PPP3R1: variants seen among roughly 807,000 people sequenced by gnomAD.
PPP3R1 encodes protein phosphatase 3 regulatory subunit B, alpha.
Under a neutral mutation model 22.6 loss-of-function variants are expected in PPP3R1, and 5 were observed. The ratio of observed to expected loss-of-function variants is 0.22; its 90% CI spans 0.12 to 0.46. The LOEUF (loss-of-function observed/expected upper bound fraction) is 0.46. PPP3R1 is among the 20% of genes least tolerant of loss of function. The pLI is 0.99. For missense variants in PPP3R1, 61 were observed against 203.2 expected (o/e 0.30, Z 4.25); for synonymous variants, 56 against 65.2 (o/e 0.86, Z 0.68).
chr2:68,251,904 G>A (rs935274853), intron 1 of PPP3R1, among the ~76,000 whole-genome samples: 12 of 146,068 alleles, frequency 8.2e-5, no homozygotes, highest in African/African-American at 3.0e-4. Flanking sequence ...GCGCCCCGCA[G>A]AGGCCGGGGG....
chr2:68,213,972 TG>T (rs888903308), intron 2 of PPP3R1, among the ~76,000 whole-genome samples: 2 of 152,040 alleles, frequency 1.3e-5, no homozygotes, highest in Non-Finnish European at 2.9e-5. Flanking sequence ...TACAGACCAA[TG>T]GAACAGAATA....
chr2:68,242,401 G>A (rs1252394680), intron 1 of PPP3R1, among the ~76,000 whole-genome samples: 1 of 151,340 alleles, frequency 6.6e-6, no homozygotes, highest in Non-Finnish European at 1.5e-5. Flanking sequence ...ACTCTAGCCT[G>A]GACAACAGAG....
At chr2:68,216,492 A>T (rs191129727) in intron 2 of PPP3R1, among the ~76,000 whole-genome samples, 1 of 152,014 alleles carries the variant, frequency 6.6e-6, no homozygotes, top group African/African-American at 2.4e-5. Context: ...AAAAAAAAGG[A>T]CTTAATGAAT....
At chr2:68,188,749 A>G (rs1470608005) in intron 2 of PPP3R1, 59 bp from the exon 3 acceptor site, 1 of 1,441,740 alleles carries the variant, frequency 6.9e-7, no homozygotes. Flanking sequence ...AATCCTTTCT[A>G]ATGGGCAGTA....
intron 1 of PPP3R1, among the ~76,000 whole-genome samples, chr2:68,245,256 G>A (rs1670212935): frequency 1.3e-5 from 2 of 152,108 alleles, no homozygotes; most frequent in Admixed American, 1.3e-4. Flanking sequence ...CAGCTACTTG[G>A]GAGGCTGAGG....
At chr2:68,181,827 C>T (rs1674410506) in intron 5 of PPP3R1, among the ~76,000 whole-genome samples, 1 of 152,104 alleles carries the variant, frequency 6.6e-6, no homozygotes, top group Non-Finnish European at 1.5e-5. Context: ...AGTGAATAAA[C>T]ATGTCTGTAT....
intron 1 of PPP3R1, among the ~76,000 whole-genome samples, chr2:68,243,245 A>C (rs1670167359): frequency 6.6e-6 from 1 of 152,324 alleles, no homozygotes; most frequent in Non-Finnish European, 1.5e-5. Flanking sequence ...TCATAGTACA[A>C]GACTATAAAA....
At chr2:68,235,282 C>T (rs574932719) in intron 1 of PPP3R1, among the ~76,000 whole-genome samples, 1 of 152,198 alleles carries the variant, frequency 6.6e-6, no homozygotes, top group South Asian at 2.1e-4. Flanking sequence ...TTAGTACATT[C>T]AAACCATTGT....
intron 1 of PPP3R1, among the ~76,000 whole-genome samples, chr2:68,232,660 G>C (rs1448060572): frequency 2.6e-5 from 4 of 152,020 alleles, no homozygotes; most frequent in Non-Finnish European, 4.4e-5. Flanking sequence ...AGGCTGGAGT[G>C]CAGTGGCACG....
At chr2:68,197,975 A>G (rs1295715335) in intron 2 of PPP3R1, among the ~76,000 whole-genome samples, 2 of 149,230 alleles carry the variant, frequency 1.3e-5, no homozygotes, top group Non-Finnish European at 3.0e-5. Context: ...TAAATATATG[A>G]TACATATAGA....
intron 1 of PPP3R1, among the ~76,000 whole-genome samples, chr2:68,232,222 T>TA (rs367672494): frequency 0.36 from 27,951 of 77,638 alleles, 3,650 homozygotes; most frequent in African/African-American, 0.51. Flanking sequence ...TATATGTATA[T>TA]ATGTGTGTGT....
intron 1 of PPP3R1, among the ~76,000 whole-genome samples, chr2:68,217,954 A>C (rs1669610136): frequency 6.6e-6 from 1 of 152,166 alleles, no homozygotes; most frequent in African/African-American, 2.4e-5. Flanking sequence ...CCATTTGATT[A>C]GCAGTGGAAT....
intron 1 of PPP3R1, among the ~76,000 whole-genome samples, chr2:68,221,034 C>T (rs879901229): frequency 5.3e-5 from 8 of 150,320 alleles, no homozygotes; most frequent in Admixed American, 4.0e-4. Context: ...ACTGTCTCTA[C>T]AAAAAATACA....
At chr2:68,208,705 A>G (rs1669386808) in intron 2 of PPP3R1, among the ~76,000 whole-genome samples, 1 of 151,380 alleles carries the variant, frequency 6.6e-6, no homozygotes, top group African/African-American at 2.4e-5. Flanking sequence ...GAGGCCAAGG[A>G]AGGTGGACTG....
intron 1 of PPP3R1, among the ~76,000 whole-genome samples, chr2:68,238,629 A>C (rs1259117181): frequency 6.6e-6 from 1 of 152,016 alleles, no homozygotes; most frequent in Non-Finnish European, 1.5e-5. Flanking sequence ...CCAAAGAAAA[A>C]CTCTCATGGC....
At position 68,183,625 on chromosome 2, in the gene PPP3R1, T is replaced by C. The variant is rs1674468235; in HGVS notation, c.466-2615A>G. Among the ~76,000 whole-genome samples the C allele has an allele frequency of 2.6e-5, 4 of 152,382 alleles. No homozygotes were observed. In the South Asian group the frequency reaches 8.3e-4, roughly 32 times the overall value. Reference sequence around the variant, plus strand: ...AATTACATTCCCAAGAGCTTTTTTATATATTATCCAACTTTTGTTTCAAAA... The same window carrying C: ...AATTACATTCCCAAGAGCTTTTTTACATATTATCCAACTTTTGTTTCAAAA... On this transcript the variant is annotated intron_variant, in intron 5 of 5. Transcript: ENST00000234310.
At chr2:68,207,047 T>C (rs764115355) in intron 2 of PPP3R1, among the ~76,000 whole-genome samples, 60 of 149,154 alleles carry the variant, frequency 4.0e-4, no homozygotes, top group Non-Finnish European at 7.4e-4. Flanking sequence ...TCTTATAATA[T>C]GAAAGCACTA....
chr2:68,190,102 A>G (rs1674629938), intron 2 of PPP3R1, among the ~76,000 whole-genome samples: 1 of 151,114 alleles, frequency 6.6e-6, no homozygotes, highest in Non-Finnish European at 1.5e-5. Flanking sequence ...ATATACTATC[A>G]AAGTAAAAAC....
intron 1 of PPP3R1, among the ~76,000 whole-genome samples, chr2:68,233,460 T>C (rs1669958374): frequency 6.6e-6 from 1 of 152,194 alleles, no homozygotes; most frequent in Non-Finnish European, 1.5e-5. Context: ...CCTCAATTTT[T>C]CTAGGAATGA....
Sources: allele counts gnomAD v4.1 joint callset (sites outside exome capture counted in the v4.1 genomes callset), GRCh38; gene constraint gnomAD v4.1.1; transcripts MANE v1.5; gene names NCBI Gene and HGNC (gene_info 2026-07-23, HGNC 2026-07-21).